Variants in YTHDC2 observed in about 807,000 individuals in gnomAD.
YTHDC2 encodes the protein YTH N6-methyladenosine RNA binding protein C2, also known as 3'-5' RNA helicase YTHDC2.
A neutral mutation model predicts 174.9 loss-of-function variants in YTHDC2; 45 were observed. That is an observed-to-expected ratio of 0.26 (90% CI 0.20 to 0.33). The LOEUF (loss-of-function observed/expected upper bound fraction) is 0.33, where lower values mean the gene tolerates loss of function less well. YTHDC2 is among the 10% of genes least tolerant of loss of function. YTHDC2 has a pLI of 1.00. For synonymous variants in YTHDC2, 657 were observed against 574.5 expected (o/e 1.14, Z -2.05); for missense variants, 1,650 against 1,723.7 (o/e 0.96, Z 0.76).
At chr5:113,552,979 G>A (rs11956399) in intron 12 of YTHDC2, among the ~76,000 whole-genome samples, 2 of 151,748 alleles carry the variant, frequency 1.3e-5, no homozygotes, top group African/African-American at 2.4e-5. Flanking sequence ...AATGCCTTCA[G>A]ATTGTGCTTT....
At chr5:113,533,102 A>G (rs1774793936) in intron 5 of YTHDC2, 57 bp downstream of exon 5, 7 of 1,563,596 alleles carry the variant, frequency 4.5e-6, no homozygotes, top group African/African-American at 1.4e-5. Flanking sequence ...GACTATGTAT[A>G]TTTCACTAAA....
In YTHDC2 at chr5:113,532,947, A is replaced by G. The variant is rs1774779984; in HGVS notation, c.744A>G (p.Pro248=). 1.9e-6 allele frequency: 3 copies of G among 1,614,200 alleles called. No homozygotes were observed. The highest frequency in any genetic ancestry group is 2.2e-5 in the East Asian group (1 of 44,878). ...GIPCRIFCTQ[P]RRLAAIAVAE... The stretch of plus-strand genomic sequence containing the variant: ...CCTGCCGTATATTTTGTACTCAACC[A>G]AGACGATTGGCAGCTATCGCTGTGG... Residue 248 remains proline, a synonymous_variant, in exon 5 of 30, where the codon CCA becomes CCG. Transcript: ENST00000161863.
chr5:113,576,659 T>G (rs1293786208), intron 23 of YTHDC2, among the ~76,000 whole-genome samples: 1 of 152,200 alleles, frequency 6.6e-6, no homozygotes, highest in African/African-American at 2.4e-5. Flanking sequence ...CAAAAAGAAA[T>G]AACTCTCCAT....
At position 113,528,373 on chromosome 5, in the gene YTHDC2, A is replaced by G. The variant is rs76487857; in HGVS notation, c.675+1588A>G. Among the ~76,000 whole-genome samples the G allele has an allele frequency of 6.5e-3, 988 of 152,318 alleles. 7 individuals carry two copies. Among genetic ancestry groups the G allele is most frequent in the African/African-American group, 0.022 (921 of 41,576 alleles). The stretch of plus-strand genomic sequence containing the variant: ...AGTTAATTAAAATACTAATGTTTTT[A>G]TTCTTTGAAATATAAAACAGAATGT... On this transcript the variant is annotated intron_variant, in intron 4 of 29. Coordinates refer to ENST00000161863, the MANE Select transcript of YTHDC2 (RefSeq NM_022828.5).
rs1332823697 is a variant in YTHDC2 at position 113,556,113 on chromosome 5, G to T, written c.2195G>T (p.Ser732Ile). ...MLKMVWISKA[S>I]AIQRKGRAGR... ...AAAATGGTATGGATTTCCAAAGCTA[G>T]TGCCATACAGCGGAAAGGCAGGTAA... The change falls in exon 17 of 30, where the codon AGT (serine) becomes ATT (isoleucine). Residue 732 changes from serine to isoleucine, a missense_variant. By Grantham distance (142) the Ser-to-Ile change is moderately radical. This residue lies in a region of YTHDC2 where 913 missense variants were observed against 940.4 expected (regional missense o/e 0.97). Coordinates refer to ENST00000161863, the MANE Select transcript of YTHDC2 (RefSeq NM_022828.5). The T allele has an allele frequency of 2.5e-6, 4 of 1,608,240 alleles. No individual in the cohort carries two copies. Among genetic ancestry groups the T allele is most frequent in the African/African-American group, 1.3e-5 (1 of 74,776 alleles).
chr5:113,525,451 C>G (rs1305152341), intron 3 of YTHDC2, among the ~76,000 whole-genome samples: 1 of 151,836 alleles, frequency 6.6e-6, no homozygotes, highest in Non-Finnish European at 1.5e-5. Context: ...ATACAAAACC[C>G]TTTATATGGG....
chr5:113,522,561 T>C (rs1470410204), intron 2 of YTHDC2, among the ~76,000 whole-genome samples: 1 of 152,214 alleles, frequency 6.6e-6, no homozygotes, highest in Non-Finnish European at 1.5e-5. Flanking sequence ...TTCACTTAGC[T>C]AGCATCTTTT....
At chr5:113,522,008 A>G (rs1397173380) in intron 2 of YTHDC2, among the ~76,000 whole-genome samples, 2 of 151,992 alleles carry the variant, frequency 1.3e-5, no homozygotes. Context: ...CCAATTCTGT[A>G]TTACAGTATT....
intron 23 of YTHDC2, among the ~76,000 whole-genome samples, chr5:113,573,990 T>C (rs1028410849): frequency 6.6e-5 from 10 of 152,180 alleles, no homozygotes; most frequent in African/African-American, 1.9e-4. Flanking sequence ...CTCAGCCCAG[T>C]TCTGTGCCCT....
chr5:113,542,879 G>A (rs966479290), intron 10 of YTHDC2, among the ~76,000 whole-genome samples: 4 of 152,130 alleles, frequency 2.6e-5, no homozygotes, highest in African/African-American at 9.7e-5. Context: ...CATTATAATT[G>A]TAATTATTAT....
At position 113,513,738 on chromosome 5, in the gene YTHDC2, G is replaced by C. The variant is rs936921925; in HGVS notation, c.-158G>C. 1.1e-5 allele frequency: 8 copies of C among 743,104 alleles called. No individual in the cohort carries two copies. The highest frequency in any genetic ancestry group is 3.2e-5 in the East Asian group (1 of 31,640). 46.0% of individuals were successfully genotyped at this position (743,104 alleles called of 1,614,324 possible). On this transcript the variant is annotated 5_prime_UTR_variant, in exon 1 of 30. Coordinates refer to ENST00000161863, the MANE Select transcript of YTHDC2 (RefSeq NM_022828.5). Reference sequence around the variant, plus strand: ...TATCAATGGCGCAGGCTTCACTTCTGCTGTGGCGGTGACTGAGGCCTTTCT... The same window carrying C: ...TATCAATGGCGCAGGCTTCACTTCTCCTGTGGCGGTGACTGAGGCCTTTCT...
intron 26 of YTHDC2, 39 bp from the exon 27 acceptor site, chr5:113,591,002 G>T: frequency 6.3e-7 from 1 of 1,578,794 alleles, no homozygotes; most frequent in Non-Finnish European, 8.6e-7. Flanking sequence ...GTTTTGAAAG[G>T]TCAGGTTACC....
At chr5:113,574,475 C>G (rs550283317) in intron 23 of YTHDC2, among the ~76,000 whole-genome samples, 2 of 152,294 alleles carry the variant, frequency 1.3e-5, no homozygotes, top group South Asian at 4.1e-4. Context: ...AGTCTGGCTG[C>G]TTTTTGATAC....
At chr5:113,530,754 C>G (rs140786522) in intron 4 of YTHDC2, among the ~76,000 whole-genome samples, 1 of 151,768 alleles carries the variant, frequency 6.6e-6, no homozygotes, top group East Asian at 1.9e-4. Flanking sequence ...TTTTTACCTC[C>G]ATTTATTCCT....
chr5:113,592,040 G>C lies in YTHDC2; in HGVS notation c.4074G>C (p.Gln1358His). 6.2e-7 allele frequency: 1 copy of C among 1,612,674 alleles called. No individual in the cohort carries two copies. Among genetic ancestry groups the C allele is most frequent in the Non-Finnish European group, 8.5e-7 (1 of 1,179,280 alleles). ...CTGAGATTGGAAGGGAAAAGAGTCA[G>C]GACTGGGGCTCTGCTGGACTAGGAG... Reference protein sequence around the residue: ...MSSEIGREKSQDWGSAGLGGV... With the variant: ...MSSEIGREKSHDWGSAGLGGV... The change falls in exon 28 of 30, where the codon CAG becomes CAC. Residue 1358 changes from glutamine to histidine, a missense_variant. Physicochemically the swap from Gln to His is conservative, Grantham distance 24. This residue lies in a region of YTHDC2 where 913 missense variants were observed against 940.4 expected (regional missense o/e 0.97). Transcript: ENST00000161863.
chr5:113,521,032 G>C (rs1271611934), intron 2 of YTHDC2, among the ~76,000 whole-genome samples: 1 of 152,100 alleles, frequency 6.6e-6, no homozygotes, highest in Non-Finnish European at 1.5e-5. Context: ...TCTGTTCTTG[G>C]GTTAGTTTGC....
At chr5:113,530,762 C>T (rs1774601609) in intron 4 of YTHDC2, among the ~76,000 whole-genome samples, 1 of 151,596 alleles carries the variant, frequency 6.6e-6, no homozygotes, top group African/African-American at 2.4e-5. Flanking sequence ...TCCATTTATT[C>T]CTTCTTTAGT....
intron 9 of YTHDC2, among the ~76,000 whole-genome samples, chr5:113,541,477 C>T (rs1024986360): frequency 1.3e-5 from 2 of 152,116 alleles, no homozygotes; most frequent in African/African-American, 4.8e-5. Flanking sequence ...AGGAGTGAGC[C>T]ACTGCACCCA....
rs763471459 is a variant in YTHDC2, at chr5:113,567,317, G to T, written c.3048+20G>T. 6.3e-6 allele frequency: 10 copies of T among 1,583,288 alleles called. No individual in the cohort carries two copies. The highest frequency in any genetic ancestry group is 8.6e-6 in the Non-Finnish European group (10 of 1,167,600). ...AAAAAGGTAAAAGATTTTGAATGCT[G>T]TTGGGTTTTGAGGTGAAACTAATTT... is the stretch of plus-strand genomic sequence containing the variant. On this transcript the variant is annotated intron_variant, in intron 22 of 29. Coordinates refer to ENST00000161863, the MANE Select transcript of YTHDC2 (RefSeq NM_022828.5).
Sources: allele counts gnomAD v4.1 joint callset (sites outside exome capture counted in the v4.1 genomes callset), GRCh38; gene constraint gnomAD v4.1.1; regional missense constraint gnomAD v4.1.1; transcripts MANE v1.5; gene names NCBI Gene and HGNC (gene_info 2026-07-23, HGNC 2026-07-21).